FOXC1: variants seen among roughly 807,000 people sequenced by gnomAD.
FOXC1 encodes forkhead box C1, also known as forkhead box protein C1.
FOXC1 carries 5 observed loss-of-function variants against 8.1 expected under a neutral mutation model. The observed-to-expected ratio is 0.62, with a 90% CI of 0.32 to 1.30. The LOEUF (loss-of-function observed/expected upper bound fraction) is 1.30, where lower values mean the gene tolerates loss of function less well. Among genes scored for constraint, FOXC1 ranks in the 50% most tolerant of loss-of-function variants. FOXC1 has a pLI of 0.05. For missense variants in FOXC1, 942 were observed against 858.0 expected, an observed-to-expected ratio of 1.10 and a Z score of -1.22; for synonymous variants, 552 against 417.2, an observed-to-expected ratio of 1.32 and a Z score of -3.94.
Position 1,612,238 on chromosome 6 carries a change from G to C in FOXC1, c.*131G>C, listed in dbSNP as rs1286810804. The C allele has an allele frequency of 8.7e-6, 12 of 1,386,862 alleles. No homozygotes were observed. Among genetic ancestry groups the C allele is most frequent in the African/African-American group, 4.5e-5 (3 of 67,194 alleles). 85.9% of individuals were successfully genotyped at this position (1,386,862 alleles called of 1,614,324 possible). ...CCCTGAGAATATTCACCACACCAGC[G>C]AACAGAATATCCCTCCAAAAATTCA... is the stretch of plus-strand genomic sequence containing the variant. On this transcript the variant is annotated 3_prime_UTR_variant, in exon 1 of 1. Transcript: ENST00000645831.
rs1477680073 is a variant in FOXC1, at chr6:1,611,465, G to C, written c.1020G>C (p.Ser340=). 2 of 1,384,102 alleles carry C rather than the reference G, an allele frequency of 1.4e-6. No individual in the cohort carries two copies. The highest frequency in any genetic ancestry group is 1.9e-6 in the Non-Finnish European group (2 of 1,066,864). 85.7% of individuals were successfully genotyped at this position (1,384,102 alleles called of 1,614,324 possible). A position where few individuals can be genotyped will look rare whatever the true frequency, so the allele number is the denominator to read the frequency against. ...TTCTGGCCTCGGCGGCCGCGTCCTCGCGCGCGGGGATCGCACCCCCGCTGG... is the reference window on the plus strand; with the variant it reads ...TTCTGGCCTCGGCGGCCGCGTCCTCCCGCGCGGGGATCGCACCCCCGCTGG... ...SGLLASAAAS[S]RAGIAPPLAL... Residue 340 remains serine (S), a synonymous_variant, in exon 1 of 1, where the codon TCG becomes TCC. Transcript: ENST00000645831. The surrounding 1 kb of genome is among the most constrained non-coding windows in gnomAD (Gnocchi z 7.1).
chr6:1,611,776 T>G lies in FOXC1; in HGVS notation c.1331T>G (p.Leu444Arg). 2 of 1,461,112 alleles carry G rather than the reference T, an allele frequency of 1.4e-6. No individual in the cohort carries two copies. The highest frequency in any genetic ancestry group is 1.8e-6 in the Non-Finnish European group (2 of 1,114,622). The allele number at this position is 1,461,112 out of a possible 1,614,324, so 90.5% of individuals were successfully genotyped here. Residue 444 changes from leucine to arginine, a missense_variant, in exon 1 of 1, where the codon CTG becomes CGG. This residue lies in a region of FOXC1 where 726 missense variants were observed against 599.6 expected (regional missense o/e 1.21). Coordinates refer to ENST00000645831, the MANE Select transcript of FOXC1 (RefSeq NM_001453.3). This position sits in a 1 kb window ranked among gnomAD's most constrained non-coding sequence, Gnocchi z 7.1. ...PPVTSSSSSS[L>R]SHGGGGGGGG... ...GTCACCAGCAGCAGCTCGTCGTCCC[T>G]GAGTCACGGCGGCGGCGGCGGCGGC...
At position 1,612,250 on chromosome 6, in the gene FOXC1, C is replaced by A; in HGVS notation, c.*143C>A. On this transcript the variant is annotated 3_prime_UTR_variant, in exon 1 of 1. Coordinates refer to ENST00000645831, the MANE Select transcript of FOXC1 (RefSeq NM_001453.3). ...TCACCACACCAGCGAACAGAATATC[C>A]CTCCAAAAATTCAGCTCACCAGCAC... The A allele has an allele frequency of 7.5e-7, 1 of 1,331,234 alleles. No homozygotes were observed. Among genetic ancestry groups the A allele is most frequent in the Non-Finnish European group, 1.0e-6 (1 of 969,904 alleles). The allele number at this position is 1,331,234 out of a possible 1,614,324, so 82.5% of individuals were successfully genotyped here. A position where few individuals can be genotyped will look rare whatever the true frequency, so the allele number is the denominator to read the frequency against.
Position 1,611,378 on chromosome 6 carries a change from C to A in FOXC1, c.933C>A (p.Asp311Glu). The A allele has an allele frequency of 1.4e-6, 2 of 1,449,736 alleles. 1 individual carries two copies. The highest frequency in any genetic ancestry group is 2.6e-5 in the South Asian group (2 of 76,978). The allele number at this position is 1,449,736 out of a possible 1,614,324, so 89.8% of individuals were successfully genotyped here. ...PPHHSQGFSV[D>E]NIMTSLRGSP... ...ACCATAGCCAGGGCTTCAGCGTGGA[C>A]AACATCATGACGTCGCTGCGGGGGT... Residue 311 changes from aspartate (D) to glutamate (E), a missense_variant, in exon 1 of 1, where the codon GAC becomes GAA. By Grantham distance (45) the Asp-to-Glu change is conservative. Transcript: ENST00000645831. This position sits in a 1 kb window ranked among gnomAD's most constrained non-coding sequence, Gnocchi z 7.1.
chr6:1,610,470 A>G lies in FOXC1; in HGVS notation c.25A>G (p.Ser9Gly). Residue 9 changes from serine (S) to glycine (G), a missense_variant, in exon 1 of 1, where the codon AGC becomes GGC. Transcript: ENST00000645831. MQARYSVS[S>G]PNSLGVVPYL... ...CATGCAGGCGCGCTACTCCGTGTCCAGCCCCAACTCCCTGGGAGTGGTGCC... is the reference window on the plus strand; with the variant it reads ...CATGCAGGCGCGCTACTCCGTGTCCGGCCCCAACTCCCTGGGAGTGGTGCC... 6.8e-7 allele frequency: 1 copy of G among 1,459,888 alleles called. No individual in the cohort carries two copies. The highest frequency in any genetic ancestry group is 2.6e-5 in the East Asian group (1 of 38,642). The allele number at this position is 1,459,888 out of a possible 1,614,324, so 90.4% of individuals were successfully genotyped here.
Position 1,612,215 on chromosome 6 carries a change from C to T in FOXC1, c.*108C>T. On this transcript the variant is annotated 3_prime_UTR_variant, in exon 1 of 1. Transcript: ENST00000645831. Reference sequence around the variant, plus strand: ...AAAAAAATCCAATTAAAAAAAACCCCTGAGAATATTCACCACACCAGCGAA... The same window carrying T: ...AAAAAAATCCAATTAAAAAAAACCCTTGAGAATATTCACCACACCAGCGAA... 6.6e-7 allele frequency: 1 copy of T among 1,523,718 alleles called. No individual in the cohort carries two copies. The highest frequency in any genetic ancestry group is 8.9e-7 in the Non-Finnish European group (1 of 1,123,830). The allele number at this position is 1,523,718 out of a possible 1,614,324, so 94.4% of individuals were successfully genotyped here. A position where few individuals can be genotyped will look rare whatever the true frequency, so the allele number is the denominator to read the frequency against.
chr6:1,611,182 T>C lies in FOXC1; in HGVS notation c.737T>C (p.Leu246Pro). The C allele has an allele frequency of 6.9e-7, 1 of 1,458,018 alleles. No homozygotes were observed. Among genetic ancestry groups the C allele is most frequent in the Non-Finnish European group, 9.1e-7 (1 of 1,102,800 alleles). The allele number at this position is 1,458,018 out of a possible 1,614,324, so 90.3% of individuals were successfully genotyped here. ...CAGCCCCTGTCCCCGGCCGCCGCCC[T>C]GGGCAGCGGCAGCGCCGCCGCGGTG... is the stretch of plus-strand genomic sequence containing the variant. ...PPQPLSPAAALGSGSAAAVPK... is the reference protein window; with the variant it reads ...PPQPLSPAAAPGSGSAAAVPK... Residue 246 changes from leucine (L) to proline (P), a missense_variant, in exon 1 of 1, where the codon CTG becomes CCG. Physicochemically the swap from Leu to Pro is moderately conservative, Grantham distance 98. Around this residue, in one of 4 missense-constraint regions of FOXC1, gnomAD observed 726 missense variants for 599.6 expected, o/e 1.21. Coordinates refer to ENST00000645831, the MANE Select transcript of FOXC1 (RefSeq NM_001453.3). The surrounding 1 kb of genome is among the most constrained non-coding windows in gnomAD (Gnocchi z 7.1).
At position 1,612,221 on chromosome 6, in the gene FOXC1, A is replaced by C; in HGVS notation, c.*114A>C. On this transcript the variant is annotated 3_prime_UTR_variant, in exon 1 of 1. Transcript: ENST00000645831. ...ATCCAATTAAAAAAAACCCCTGAGA[A>C]TATTCACCACACCAGCGAACAGAAT... is the stretch of plus-strand genomic sequence containing the variant. The C allele has an allele frequency of 6.7e-7, 1 of 1,488,666 alleles. No homozygotes were observed. The highest frequency in any genetic ancestry group is 9.1e-7 in the Non-Finnish European group (1 of 1,095,438). 92.2% of individuals were successfully genotyped at this position (1,488,666 alleles called of 1,614,324 possible).
chr6:1,611,656 C>T lies in FOXC1; in HGVS notation c.1211C>T (p.Ala404Val), dbSNP rs865901577. 4.7e-5 allele frequency: 65 copies of T among 1,375,370 alleles called. No homozygotes were observed. In the African/African-American group the frequency reaches 9.7e-4, roughly 21 times the overall value. The allele number at this position is 1,375,370 out of a possible 1,614,324, so 85.2% of individuals were successfully genotyped here. Residue 404 changes from alanine to valine, a missense_variant, in exon 1 of 1, where the codon GCG becomes GTG. Physicochemically the swap from Ala to Val is moderately conservative, Grantham distance 64. Transcript: ENST00000645831. The surrounding 1 kb of genome is among the most constrained non-coding windows in gnomAD (Gnocchi z 7.1). ...HCNLQAMSLYAAGERGGHLQG... is the reference protein window; with the variant it reads ...HCNLQAMSLYVAGERGGHLQG... ...AACCTGCAAGCCATGAGCCTGTACGCGGCCGGCGAGCGCGGGGGCCACTTG... is the reference window on the plus strand; with the variant it reads ...AACCTGCAAGCCATGAGCCTGTACGTGGCCGGCGAGCGCGGGGGCCACTTG...
At position 1,610,404 on chromosome 6, in the gene FOXC1, T is replaced by G. The variant is rs1002267010; in HGVS notation, c.-42T>G. 8.8e-7 allele frequency: 1 copy of G among 1,133,948 alleles called. No homozygotes were observed. The highest frequency in any genetic ancestry group is 1.1e-6 in the Non-Finnish European group (1 of 918,382). The allele number at this position is 1,133,948 out of a possible 1,614,324, so 70.2% of individuals were successfully genotyped here. ...CGGCGCGGCCCGGCCCGAGCGAGGG[T>G]GGGGGGCGGCGGGCGGCGCGGGGCG... is the stretch of plus-strand genomic sequence containing the variant. On this transcript the variant is annotated 5_prime_UTR_variant, in exon 1 of 1. Transcript: ENST00000645831.
At position 1,613,034 on chromosome 6, in the gene FOXC1, T is replaced by A. The variant is rs574217067; in HGVS notation, c.*927T>A. 8.7e-6 allele frequency: 2 copies of A among 229,356 alleles called. No homozygotes were observed. The highest frequency in any genetic ancestry group is 3.7e-4 in the South Asian group (2 of 5,368). The allele number at this position is 229,356 out of a possible 1,614,324, so 14.2% of individuals were successfully genotyped here. On this transcript the variant is annotated 3_prime_UTR_variant, in exon 1 of 1. Transcript: ENST00000645831. ...CTGCAAAATGTACTATATAGTCAGC[T>A]TGCTTTGAGGCTAGTAAAAAGATAT...
In FOXC1 at chr6:1,611,327, G is replaced by A. The variant is rs1299122140; in HGVS notation, c.882G>A (p.Pro294=). 4.2e-6 allele frequency: 6 copies of A among 1,415,502 alleles called. No individual in the cohort carries two copies. The highest frequency in any genetic ancestry group is 1.5e-5 in the African/African-American group (1 of 66,640). 87.7% of individuals were successfully genotyped at this position (1,415,502 alleles called of 1,614,324 possible). ...ACGGTGCGGATTCCGCGCCGCCGCCGCCCGCGCCCTCCGCCCCGCCGCCGC... is the reference window on the plus strand; with the variant it reads ...ACGGTGCGGATTCCGCGCCGCCGCCACCCGCGCCCTCCGCCCCGCCGCCGC... ...SLDGADSAPP[P]PAPSAPPPHH... is the part of the protein sequence containing the mutation. The change falls in exon 1 of 1, where the codon CCG becomes CCA. Residue 294 remains proline (P), a synonymous_variant. Coordinates refer to ENST00000645831, the MANE Select transcript of FOXC1 (RefSeq NM_001453.3). The surrounding 1 kb of genome is among the most constrained non-coding windows in gnomAD (Gnocchi z 7.1).
In FOXC1 at chr6:1,609,917, T is replaced by C. The variant is rs1213026019; in HGVS notation, c.-529T>C. Reference sequence around the variant, plus strand: ...AAGTCCTCGCCTGGGTGACGGATGCTCAAAAGTTCAGAAGTTTTCCCAATG... The same window carrying C: ...AAGTCCTCGCCTGGGTGACGGATGCCCAAAAGTTCAGAAGTTTTCCCAATG... On this transcript the variant is annotated 5_prime_UTR_variant, in exon 1 of 1. Transcript: ENST00000645831. 2 of 150,606 alleles carry C rather than the reference T, an allele frequency of 1.3e-5. No individual in the cohort carries two copies. Among genetic ancestry groups the C allele is most frequent in the Admixed American group, 1.3e-4 (2 of 15,168 alleles). The allele number at this position is 150,606 out of a possible 1,614,324, so 9.3% of individuals were successfully genotyped here.
Position 1,612,540 on chromosome 6 carries a change from GGAAAGTCCCCGTTTAT to G in FOXC1, c.*441_*456del, listed in dbSNP as rs1172538167. ...ATTTTATCCTATGTTGAAGGGAGGGGGAAAGTCCCCGTTTATGAAAGTCGCTTTCTTTTTATTCATG... is the reference window on the plus strand; with the variant it reads ...ATTTTATCCTATGTTGAAGGGAGGGGGAAAGTCGCTTTCTTTTTATTCATG... On this transcript the variant is annotated 3_prime_UTR_variant, in exon 1 of 1. Coordinates refer to ENST00000645831, the MANE Select transcript of FOXC1 (RefSeq NM_001453.3). 1.5e-5 allele frequency: 4 copies of G among 260,654 alleles called. No homozygotes were observed. The highest frequency in any genetic ancestry group is 1.2e-3 in the Middle Eastern group (1 of 864). 16.1% of individuals were successfully genotyped at this position (260,654 alleles called of 1,614,324 possible).
chr6:1,612,716 C>G lies in FOXC1; in HGVS notation c.*609C>G, dbSNP rs1458615771. On this transcript the variant is annotated 3_prime_UTR_variant, in exon 1 of 1. Coordinates refer to ENST00000645831, the MANE Select transcript of FOXC1 (RefSeq NM_001453.3). ...TGAAACTTTAAATTGTGCTTTTTTT[C>G]TCATTATAAAAAGGGAAACTGTATT... 1 of 220,814 alleles carries G rather than the reference C, an allele frequency of 4.5e-6. No individual in the cohort carries two copies. Among genetic ancestry groups the G allele is most frequent in the Non-Finnish European group, 9.9e-6 (1 of 100,918 alleles). 13.7% of individuals were successfully genotyped at this position (220,814 alleles called of 1,614,324 possible).
rs756309855 is a variant in FOXC1, at chr6:1,613,606, G to T, written c.*1499G>T. 5.9e-5 allele frequency: 13 copies of T among 219,176 alleles called. No homozygotes were observed. The highest frequency in any genetic ancestry group is 1.0e-4 in the Non-Finnish European group (10 of 100,192). 13.6% of individuals were successfully genotyped at this position (219,176 alleles called of 1,614,324 possible). ...TGTTAATTTACAGTTAAACCTAGGG[G>T]ACAATCCGGATTGGCCCTCCCCCTT... On this transcript the variant is annotated 3_prime_UTR_variant, in exon 1 of 1. Coordinates refer to ENST00000645831, the MANE Select transcript of FOXC1 (RefSeq NM_001453.3).
chr6:1,610,783 C>T lies in FOXC1; in HGVS notation c.338C>T (p.Pro113Leu), dbSNP rs1762522320. 4 of 1,614,038 alleles carry T rather than the reference C, an allele frequency of 2.5e-6. No homozygotes were observed. Among genetic ancestry groups the T allele is most frequent in the South Asian group, 1.1e-5 (1 of 91,080 alleles). ...TACCAGTTCATCATGGACCGCTTCCCCTTCTACCGGGACAACAAGCAGGGC... is the reference window on the plus strand; with the variant it reads ...TACCAGTTCATCATGGACCGCTTCCTCTTCTACCGGGACAACAAGCAGGGC... ...GIYQFIMDRF[P>L]FYRDNKQGWQ... The change falls in exon 1 of 1, where the codon CCC becomes CTC. Residue 113 changes from proline (P) to leucine (L), a missense_variant. Physicochemically the swap from Pro to Leu is moderately conservative, Grantham distance 98. Coordinates refer to ENST00000645831, the MANE Select transcript of FOXC1 (RefSeq NM_001453.3).
chr6:1,612,010 C>T lies in FOXC1; in HGVS notation c.1565C>T (p.Pro522Leu). 1.2e-6 allele frequency: 2 copies of T among 1,612,670 alleles called. No homozygotes were observed. The highest frequency in any genetic ancestry group is 1.1e-5 in the South Asian group (1 of 90,948). Residue 522 changes from proline to leucine, a missense_variant, in exon 1 of 1, where the codon CCA becomes CTA. Physicochemically the swap from Pro to Leu is moderately conservative, Grantham distance 98. Around this residue, in one of 4 missense-constraint regions of FOXC1, gnomAD observed 726 missense variants for 599.6 expected, o/e 1.21. Transcript: ENST00000645831. ...CAGAGGATCGGCTTGAACAACTCTC[C>T]AGTGAACGGGAATAGTAGCTGTCAA... is the stretch of plus-strand genomic sequence containing the variant. ...ESQRIGLNNS[P>L]VNGNSSCQMA...
chr6:1,610,335 G>C lies in FOXC1; in HGVS notation c.-111G>C. 5 of 523,796 alleles carry C rather than the reference G, an allele frequency of 9.5e-6. No homozygotes were observed. Among genetic ancestry groups the C allele is most frequent in the Non-Finnish European group, 1.2e-5 (5 of 409,798 alleles). The allele number at this position is 523,796 out of a possible 1,614,324, so 32.4% of individuals were successfully genotyped here. A position where few individuals can be genotyped will look rare whatever the true frequency, so the allele number is the denominator to read the frequency against. On this transcript the variant is annotated 5_prime_UTR_variant, in exon 1 of 1. Transcript: ENST00000645831. ...AGCCGGACGCACAGCGCAGCGGGCC[G>C]GCACCAGCTCGGCCGGGCCCGGACT...
Sources: allele counts gnomAD v4.1 joint callset, GRCh38; gene constraint gnomAD v4.1.1; regional missense constraint gnomAD v4.1.1; non-coding constraint Gnocchi (gnomAD v3.1); transcripts MANE v1.5; gene names NCBI Gene and HGNC (gene_info 2026-07-23, HGNC 2026-07-21).